PAPSS2: variants seen among roughly 807,000 people sequenced by gnomAD.
PAPSS2 encodes bifunctional 3'-phosphoadenosine 5'-phosphosulfate synthase 2.
Under a neutral mutation model 66.5 loss-of-function variants are expected in PAPSS2, and 61 were observed. The observed-to-expected ratio is 0.92, with a 90% CI of 0.75 to 1.14. The LOEUF (loss-of-function observed/expected upper bound fraction) is 1.14. Ranked by LOEUF, PAPSS2 falls within the 50% of genes most tolerant of loss-of-function variation. The pLI, the probability that PAPSS2 is intolerant of heterozygous loss-of-function variation, is 0.00. For missense variants in PAPSS2, 708 were observed against 789.6 expected (o/e 0.90, Z 1.24); for synonymous variants, 289 against 287.5 (o/e 1.01, Z -0.05).
intron 1 of PAPSS2, among the ~76,000 whole-genome samples, chr10:87,707,818 C>T (rs1235416151): frequency 4.6e-5 from 7 of 152,086 alleles, no homozygotes; most frequent in South Asian, 4.1e-4. Flanking sequence ...GCAATCCTCC[C>T]GCCTTGACCT....
chr10:87,674,174 T>A (rs7903568), intron 1 of PAPSS2, among the ~76,000 whole-genome samples: 69,261 of 151,870 alleles, frequency 0.46, 16,548 homozygotes, highest in East Asian at 0.78. Flanking sequence ...TAAAAAAAAT[T>A]TCTGTTTTGA....
intron 9 of PAPSS2, among the ~76,000 whole-genome samples, chr10:87,735,482 T>C (rs1853786713): frequency 6.6e-6 from 1 of 152,188 alleles, no homozygotes; most frequent in Non-Finnish European, 1.5e-5. Flanking sequence ...TTCTCAAAAT[T>C]GTGCTGTGTC....
intron 1 of PAPSS2, among the ~76,000 whole-genome samples, chr10:87,684,488 G>C (rs1853063355): frequency 6.6e-6 from 1 of 152,212 alleles, no homozygotes; most frequent in Non-Finnish European, 1.5e-5. Flanking sequence ...TCCAACACAG[G>C]ATGTCTGCCG....
chr10:87,741,259 C>A lies in PAPSS2; in HGVS notation c.1111C>A (p.Leu371Met). 1 of 1,613,558 alleles carries A rather than the reference C, an allele frequency of 6.2e-7. No individual in the cohort carries two copies. Among genetic ancestry groups the A allele is most frequent in the Non-Finnish European group, 8.5e-7 (1 of 1,179,506 alleles). ...IKMVMESGDW[L>M]VGGDLQVLEK... ...GATGGTGATGGAAAGTGGGGACTGG[C>A]TGGTTGGTGGAGACCTTCAGGTGCT... The change falls in exon 10 of 13, where the codon CTG becomes ATG. Residue 371 changes from leucine (L) to methionine (M), a missense_variant. Leu to Met is a conservative substitution (Grantham distance 15, BLOSUM62 2). Transcript: ENST00000456849.
At position 87,713,100 on chromosome 10, in the gene PAPSS2, G is replaced by A. The variant is rs765160394; in HGVS notation, c.171G>A (p.Thr57=). Reference sequence around the variant, plus strand: ...GTCTCTCTGGTGCTGGAAAAACAACGATAAGTTTTGCCCTGGAGGAGTACC... The same window carrying A: ...GTCTCTCTGGTGCTGGAAAAACAACAATAAGTTTTGCCCTGGAGGAGTACC... ...LTGLSGAGKT[T]ISFALEEYLV... The change falls in exon 3 of 13, where the codon ACG becomes ACA. Residue 57 remains threonine, a synonymous_variant. Coordinates refer to ENST00000456849, the MANE Select transcript of PAPSS2 (RefSeq NM_001015880.2). 16 of 1,612,140 alleles carry A rather than the reference G, an allele frequency of 9.9e-6. No individual in the cohort carries two copies. Among genetic ancestry groups the A allele is most frequent in the Admixed American group, 1.7e-5 (1 of 59,894 alleles).
chr10:87,678,276 C>A (rs1442581111), intron 1 of PAPSS2, among the ~76,000 whole-genome samples: 2 of 152,084 alleles, frequency 1.3e-5, no homozygotes, highest in Non-Finnish European at 2.9e-5. Context: ...CTGTCTCTCA[C>A]CATATACAAA....
At chr10:87,665,831 C>T (rs934066286) in intron 1 of PAPSS2, among the ~76,000 whole-genome samples, 3 of 152,186 alleles carry the variant, frequency 2.0e-5, no homozygotes, top group East Asian at 3.8e-4. Context: ...CATGTATGCT[C>T]CTCTCAGCAA....
At chr10:87,729,047 C>G (rs1356865992) in intron 9 of PAPSS2, among the ~76,000 whole-genome samples, 1 of 151,904 alleles carries the variant, frequency 6.6e-6, no homozygotes, top group Non-Finnish European at 1.5e-5. Context: ...TATCTTTACT[C>G]AGTGACTGAA....
chr10:87,683,755 T>A (rs1470026691), intron 1 of PAPSS2, among the ~76,000 whole-genome samples: 1 of 152,010 alleles, frequency 6.6e-6, no homozygotes, highest in African/African-American at 2.4e-5. Flanking sequence ...AGTGGTGTGA[T>A]GATGGCTTGC....
At chr10:87,734,691 A>ATG (rs1853774792) in intron 9 of PAPSS2, among the ~76,000 whole-genome samples, 1 of 127,394 alleles carries the variant, frequency 7.8e-6, no homozygotes, top group African/African-American at 3.0e-5. Context: ...ATATATATAT[A>ATG]TATATATATA....
intron 1 of PAPSS2, among the ~76,000 whole-genome samples, chr10:87,706,084 G>GTGTATATATATA (rs1459705587): frequency 1.0e-4 from 6 of 60,180 alleles, no homozygotes; most frequent in African/African-American, 4.6e-4. Context: ...TCTTCACATG[G>GTGTATATATATA]TATATATATA....
At chr10:87,696,092 A>G (rs1193150425) in intron 1 of PAPSS2, among the ~76,000 whole-genome samples, 1 of 152,188 alleles carries the variant, frequency 6.6e-6, no homozygotes, top group Non-Finnish European at 1.5e-5. Context: ...CCTGGGGAAT[A>G]GCTCCACATG....
chr10:87,745,284 G>A (rs1853924034), intron 12 of PAPSS2, 53 bp downstream of exon 12: 6 of 1,441,506 alleles, frequency 4.2e-6, no homozygotes, highest in South Asian at 3.7e-5. Context: ...AAGAAATGAT[G>A]AGGCAGAATT....
At position 87,745,880 on chromosome 10, in the gene PAPSS2, C is replaced by T; in HGVS notation, c.1770C>T (p.Ala590=). 5.6e-6 allele frequency: 9 copies of T among 1,614,026 alleles called. No individual in the cohort carries two copies. The highest frequency in any genetic ancestry group is 7.6e-6 in the Non-Finnish European group (9 of 1,179,974). Residue 590 remains alanine (A), a synonymous_variant, in exon 13 of 13, where the codon GCC becomes GCT. Transcript: ENST00000456849. Reference sequence around the variant, plus strand: ...CAGGAACTCGAATGAGGAAGCTCGCCCGGGAAGGAGAGAATCCCCCAGATG... The same window carrying T: ...CAGGAACTCGAATGAGGAAGCTCGCTCGGGAAGGAGAGAATCCCCCAGATG... ...FISGTRMRKL[A]REGENPPDGF...
At chr10:87,725,780 C>T (rs1007758150) in intron 8 of PAPSS2, among the ~76,000 whole-genome samples, 1 of 152,008 alleles carries the variant, frequency 6.6e-6, no homozygotes, top group Non-Finnish European at 1.5e-5. Flanking sequence ...ATTGCAGCCT[C>T]AAACTCCTGG....
chr10:87,701,361 T>C (rs1220335634), intron 1 of PAPSS2, among the ~76,000 whole-genome samples: 2 of 115,358 alleles, frequency 1.7e-5, no homozygotes, highest in Admixed American at 2.1e-4. Flanking sequence ...TCTTTCTTTC[T>C]TTCTTTCTTT....
chr10:87,701,033 C>A (rs1447491428), intron 1 of PAPSS2, among the ~76,000 whole-genome samples: 1 of 151,644 alleles, frequency 6.6e-6, no homozygotes, highest in Non-Finnish European at 1.5e-5. Flanking sequence ...AAGACACCAA[C>A]AACAGGAATA....
intron 8 of PAPSS2, among the ~76,000 whole-genome samples, chr10:87,724,370 T>G (rs1031084679): frequency 7.2e-5 from 11 of 151,828 alleles, no homozygotes; most frequent in African/African-American, 2.7e-4. Flanking sequence ...AACTGGGCAC[T>G]AATGTAATGG....
At chr10:87,716,560 G>A (rs146583043) in intron 7 of PAPSS2, among the ~76,000 whole-genome samples, 152 of 152,288 alleles carry the variant, frequency 1.0e-3, no homozygotes, top group African/African-American at 3.5e-3. Flanking sequence ...GGAAGGAGTA[G>A]GGGTAGAGTC....
Sources: gnomAD v4.1 joint callset for allele counts (sites outside exome capture counted in the v4.1 genomes callset) on GRCh38, gnomAD v4.1.1 for gene constraint, MANE v1.5 for transcripts, NCBI Gene and HGNC (gene_info 2026-07-23, HGNC 2026-07-21) for gene names.